Variants in NCBP3 observed in about 807,000 individuals in gnomAD.
NCBP3 encodes the protein nuclear cap-binding protein subunit 3.
Under a neutral mutation model 75.7 loss-of-function variants are expected in NCBP3, and 20 were observed. The ratio of observed to expected loss-of-function variants is 0.26; its 90% confidence interval spans 0.19 to 0.38. The LOEUF is 0.38. Among genes scored for constraint, NCBP3 ranks in the 10% least tolerant of loss-of-function variants. NCBP3 has a pLI of 1.00. For synonymous variants in NCBP3, 293 were observed against 290.5 expected (o/e 1.01, Z -0.09); for missense variants, 678 against 796.9 (o/e 0.85, Z 1.80).
intron 1 of NCBP3, 100 bp from the exon 2 acceptor site, chr17:3,843,251 T>TTC: frequency 1.0e-6 from 1 of 953,504 alleles, no homozygotes; most frequent in Non-Finnish European, 1.6e-6. Context: ...TCCTTTTTTT[T>TTC]TTTTTTTTGT....
intron 3 of NCBP3, among the ~76,000 whole-genome samples, chr17:3,832,680 G>C (rs1383090022): frequency 6.6e-6 from 1 of 151,804 alleles, no homozygotes; most frequent in African/African-American, 2.4e-5. Flanking sequence ...AGGATTTAAT[G>C]TCTATTACTA....
intron 6 of NCBP3, 26 bp downstream of exon 6, chr17:3,825,741 A>T: frequency 6.7e-7 from 1 of 1,490,462 alleles, no homozygotes; most frequent in Non-Finnish European, 9.1e-7. Context: ...CAATAACTTT[A>T]CATCTATCTT....
At position 3,831,940 on chromosome 17, in the gene NCBP3, T is replaced by G. The variant is rs566318571; in HGVS notation, c.356-2572A>C. ...GGCTTACACCTGTAATCCCAGCACT[T>G]TGGGAGGCCAAGGCGGGTGGATCAC... On this transcript the variant is annotated intron_variant, in intron 3 of 12. Transcript: ENST00000389005. Among the ~76,000 whole-genome samples the G allele has an allele frequency of 4.1e-5, 5 of 122,204 alleles. 2 individuals are homozygous for G. Among genetic ancestry groups the G allele is most frequent in the Non-Finnish European group, 9.9e-5 (5 of 50,456 alleles). 80.2% of individuals were successfully genotyped at this position (122,204 alleles called of 152,430 possible). A position where few individuals can be genotyped will look rare whatever the true frequency, so the allele number is the denominator to read the frequency against.
chr17:3,832,726 A>C (rs1439379791), intron 3 of NCBP3, among the ~76,000 whole-genome samples: 1 of 152,170 alleles, frequency 6.6e-6, no homozygotes, highest in Non-Finnish European at 1.5e-5. Flanking sequence ...ACAAAATTTA[A>C]AAATTTTTTA....
At chr17:3,844,506 A>G (rs969264803) in intron 1 of NCBP3, among the ~76,000 whole-genome samples, 13 of 152,162 alleles carry the variant, frequency 8.5e-5, no homozygotes, top group African/African-American at 3.1e-4. Context: ...AGGGAGGTTG[A>G]GCTTGATCAA....
chr17:3,817,117 G>A (rs1597394691), intron 10 of NCBP3, among the ~76,000 whole-genome samples: 1 of 151,912 alleles, frequency 6.6e-6, no homozygotes, highest in South Asian at 2.1e-4. Context: ...AACATACTAC[G>A]TTACACAGAG....
At chr17:3,837,265 G>A (rs919879101) in intron 3 of NCBP3, among the ~76,000 whole-genome samples, 7 of 152,002 alleles carry the variant, frequency 4.6e-5, no homozygotes, top group South Asian at 2.1e-4. Flanking sequence ...TTGGGAGGCC[G>A]AGGCGGGTGG....
chr17:3,840,356 T>C (rs2054042759), intron 2 of NCBP3, among the ~76,000 whole-genome samples, 151 bp from the exon 3 acceptor site: 1 of 152,172 alleles, frequency 6.6e-6, no homozygotes, highest in African/African-American at 2.4e-5. Context: ...GACCTGGATA[T>C]TCACACTCAA....
Position 3,812,778 on chromosome 17 carries a change from GGC to G in NCBP3, c.*264_*265del, listed in dbSNP as rs752071991. 88 of 1,291,752 alleles carry G rather than the reference GGC, an allele frequency of 6.8e-5. No homozygotes were observed. Among genetic ancestry groups the G allele is most frequent in the Non-Finnish European group, 8.7e-5 (88 of 1,016,288 alleles). 80.0% of individuals were successfully genotyped at this position (1,291,752 alleles called of 1,614,324 possible). ...AGAAAAATGTCTACAAAATCTGGAG[GGC>G]TGCCTTTTTCTCAAAGGGTAAAGCC... On this transcript the variant is annotated 3_prime_UTR_variant, in exon 13 of 13. Coordinates refer to ENST00000389005, the MANE Select transcript of NCBP3 (RefSeq NM_001114118.3).
At chr17:3,816,048 C>CCTCT in intron 11 of NCBP3, 68 bp downstream of exon 11, 1 of 1,489,274 alleles carries the variant, frequency 6.7e-7, no homozygotes, top group Non-Finnish European at 9.1e-7. Flanking sequence ...TACTCAGGAA[C>CCTCT]CTCTCTCTGC....
In NCBP3 at chr17:3,814,390, T is replaced by C. The variant is rs139309920; in HGVS notation, c.1559A>G (p.His520Arg). ...CTGCCTGGGAACACCTAGCCTACTA[T>C]GCACATCAGAAGAGGGCTCTCTCCG... ...VVRREPSSDV[H>R]SRLGVPRQDS... The change falls in exon 12 of 13, where the codon CAT becomes CGT. Residue 520 changes from histidine (H) to arginine (R), a missense_variant. Transcript: ENST00000389005. 417 of 1,614,206 alleles carry C rather than the reference T, an allele frequency of 2.6e-4. No individual in the cohort carries two copies. The highest frequency in any genetic ancestry group is 1.1e-3 in the East Asian group (48 of 44,890).
rs1048760660 is a variant in NCBP3, at chr17:3,835,522, G to A, written c.355+4578C>T. Among the ~76,000 whole-genome samples the A allele has an allele frequency of 4.6e-5, 7 of 152,280 alleles. No individual in the cohort carries two copies. In the East Asian group the frequency reaches 5.8e-4, roughly 13 times the overall value. On this transcript the variant is annotated intron_variant, in intron 3 of 12. Coordinates refer to ENST00000389005, the MANE Select transcript of NCBP3 (RefSeq NM_001114118.3). ...CAAGCCTGTGCTTCCAGCACCCGAA[G>A]GGCTACTGTATGAAAGGACTTCACA...
At chr17:3,840,508 T>G (rs1258899833) in intron 2 of NCBP3, among the ~76,000 whole-genome samples, 1 of 152,246 alleles carries the variant, frequency 6.6e-6, no homozygotes, top group Non-Finnish European at 1.5e-5. Context: ...TATAAAGTTA[T>G]ATGACACTTC....
At position 3,813,265 on chromosome 17, in the gene NCBP3, G is replaced by A. The variant is rs1362741753; in HGVS notation, c.1642C>T (p.Arg548Cys). 3.1e-6 allele frequency: 5 copies of A among 1,613,912 alleles called. No homozygotes were observed. Among genetic ancestry groups the A allele is most frequent in the East Asian group, 2.2e-5 (1 of 44,906 alleles). The change falls in exon 13 of 13, where the codon CGC becomes TGC. Residue 548 changes from arginine to cysteine, a missense_variant. Coordinates refer to ENST00000389005, the MANE Select transcript of NCBP3 (RefSeq NM_001114118.3). ...REKKSGNLWTRLGSAPKTKEK... is the reference protein window; with the variant it reads ...REKKSGNLWTCLGSAPKTKEK... ...TTGGTCTTGGGTGCAGATCCTAGGC[G>A]AGTCCATAAATTACCTGTTTGGATG...
chr17:3,834,593 T>C lies in NCBP3; in HGVS notation c.356-5225A>G, dbSNP rs149607168. Among the ~76,000 whole-genome samples, 1,447 of 152,204 alleles carry C rather than the reference T, an allele frequency of 9.5e-3. 35 individuals carry two copies. The highest frequency in any genetic ancestry group is 0.033 in the African/African-American group (1,352 of 41,538). On this transcript the variant is annotated intron_variant, in intron 3 of 12. Coordinates refer to ENST00000389005, the MANE Select transcript of NCBP3 (RefSeq NM_001114118.3). ...GAGTTCAAGACCAGCCTGACCAACATGGAGAAACCTCATCTCTACTAAAAA... is the reference window on the plus strand; with the variant it reads ...GAGTTCAAGACCAGCCTGACCAACACGGAGAAACCTCATCTCTACTAAAAA...
intron 3 of NCBP3, among the ~76,000 whole-genome samples, chr17:3,838,716 T>C (rs1168701877): frequency 3.9e-5 from 6 of 152,254 alleles, no homozygotes; most frequent in Non-Finnish European, 7.3e-5. Context: ...ACTAGCTACA[T>C]GACCCTGGGC....
intron 3 of NCBP3, among the ~76,000 whole-genome samples, chr17:3,830,154 G>A (rs970469904): frequency 2.0e-5 from 3 of 152,176 alleles, no homozygotes; most frequent in Non-Finnish European, 2.9e-5. Context: ...TGCAGAAAAC[G>A]TGATTTTGCA....
Position 3,816,203 on chromosome 17 carries a change from G to A in NCBP3, c.1378C>T (p.Pro460Ser), listed in dbSNP as rs2053528942. 6.2e-7 allele frequency: 1 copy of A among 1,614,020 alleles called. No homozygotes were observed. Among genetic ancestry groups the A allele is most frequent in the East Asian group, 2.2e-5 (1 of 44,886 alleles). The change falls in exon 11 of 13, where the codon CCT (proline) becomes TCT (serine). Residue 460 changes from proline (P) to serine (S), a missense_variant. Physicochemically the swap from Pro to Ser is moderately conservative, Grantham distance 74. Transcript: ENST00000389005. Reference sequence around the variant, plus strand: ...TGTCGGACATCTGCAAATTTCTCAGGTGGTAATTTGTTACCAATTCGGTTT... The same window carrying A: ...TGTCGGACATCTGCAAATTTCTCAGATGGTAATTTGTTACCAATTCGGTTT... Reference protein sequence around the residue: ...IKNRIGNKLPPEKFADVRHLL... With the variant: ...IKNRIGNKLPSEKFADVRHLL...
intron 3 of NCBP3, among the ~76,000 whole-genome samples, chr17:3,837,994 T>A (rs57646622): frequency 0.4 from 60,016 of 150,628 alleles, 13,373 homozygotes; most frequent in East Asian, 0.58. Flanking sequence ...AAAAAAAAAT[T>A]TTTTTAAATT....
Sources: allele counts gnomAD v4.1 joint callset (sites outside exome capture counted in the v4.1 genomes callset), GRCh38; gene constraint gnomAD v4.1.1; transcripts MANE v1.5; gene names NCBI Gene and HGNC (gene_info 2026-07-23, HGNC 2026-07-21).